The following EPS8 variants were observed in gnomAD, a reference collection of about 807,000 sequenced individuals.
EPS8 encodes the protein EGFR pathway substrate 8, signaling adaptor.
In EPS8, 42 loss-of-function variants were observed where a neutral mutation model predicts 103.8. The observed-to-expected ratio is 0.40, with a 90% CI of 0.32 to 0.52. The LOEUF (loss-of-function observed/expected upper bound fraction) is 0.52, where lower values mean the gene tolerates loss of function less well. Among genes scored for constraint, EPS8 ranks in the 20% least tolerant of loss-of-function variants. The probability of loss-of-function intolerance (pLI) is 0.40; values close to 1 mark genes in which losing one functional copy is unlikely to be tolerated. For missense variants in EPS8, 969 were observed against 1,005.1 expected (o/e 0.96, Z 0.49); for synonymous variants, 344 against 344.6 (o/e 1.00, Z 0.02).
chr12:15,722,702 G>C (rs1436978208), intron 1 of EPS8, among the ~76,000 whole-genome samples: 1 of 152,198 alleles, frequency 6.6e-6, no homozygotes, highest in Admixed American at 6.5e-5. Context: ...CAGATTCAGT[G>C]TCTGGTGAGG....
intron 1 of EPS8, among the ~76,000 whole-genome samples, chr12:15,783,889 C>T (rs117642380): frequency 0.039 from 5,992 of 152,006 alleles, 171 homozygotes; most frequent in Middle Eastern, 0.075. Flanking sequence ...ATTTTCAATT[C>T]TAAGCAATTT....
chr12:15,743,052 A>G (rs2136008771), intron 1 of EPS8, among the ~76,000 whole-genome samples: 1 of 152,374 alleles, frequency 6.6e-6, no homozygotes, highest in East Asian at 1.9e-4. Flanking sequence ...CTGATAAGCA[A>G]CTTCAGCGAA....
At chr12:15,681,336 T>C in intron 2 of EPS8, 34 bp from the exon 3 acceptor site, 10 of 924,000 alleles carry the variant, frequency 1.1e-5, no homozygotes, top group Non-Finnish European at 1.5e-5. Flanking sequence ...ATAATAATAA[T>C]ATAAAAAGGT....
At position 15,767,944 on chromosome 12, in the gene EPS8, A is replaced by T. The variant is rs1262108486; in HGVS notation, c.-22+21217T>A. Among the ~76,000 whole-genome samples, 1 of 152,246 alleles carries T rather than the reference A, an allele frequency of 6.6e-6. No individual in the cohort carries two copies. Among genetic ancestry groups the T allele is most frequent in the Admixed American group, 6.5e-5 (1 of 15,286 alleles). ...AAAGTTTTCCATTCAATTTAGAATA[A>T]TGTAAAGAAATGTTAAGTATTACCT... is the stretch of plus-strand genomic sequence containing the variant. On this transcript the variant is annotated intron_variant, in intron 1 of 20. Transcript: ENST00000281172. This position sits in a 1 kb window ranked among gnomAD's most constrained non-coding sequence, Gnocchi z 5.5.
At chr12:15,703,769 T>C (rs1437805100) in intron 1 of EPS8, among the ~76,000 whole-genome samples, 1 of 150,758 alleles carries the variant, frequency 6.6e-6, no homozygotes, top group Non-Finnish European at 1.5e-5. Context: ...GGAAGCAAAG[T>C]TGATTATTTG....
chr12:15,730,624 G>A (rs1282220251), intron 1 of EPS8, among the ~76,000 whole-genome samples: 9 of 152,086 alleles, frequency 5.9e-5, no homozygotes, highest in Non-Finnish European at 1.0e-4. Context: ...TTGAGGGCAG[G>A]GGCCTTCTCT....
intron 15 of EPS8, among the ~76,000 whole-genome samples, chr12:15,642,828 T>C (rs868243251): frequency 1.3e-5 from 2 of 152,202 alleles, no homozygotes; most frequent in Middle Eastern, 3.2e-3. Context: ...GTAGACATAA[T>C]GTATCCTGTC....
Position 15,734,883 on chromosome 12 carries a change from G to A in EPS8, c.-21-51911C>T, listed in dbSNP as rs1449658978. On this transcript the variant is annotated intron_variant, in intron 1 of 20. Coordinates refer to ENST00000281172, the MANE Select transcript of EPS8 (RefSeq NM_004447.6). The surrounding 1 kb of genome is among the most constrained non-coding windows in gnomAD (Gnocchi z 4.1). Reference sequence around the variant, plus strand: ...CTCAATTGATTCTTATAATATGTAAGCTGGAAGGTAAGCAGGGCCAACTGC... The same window carrying A: ...CTCAATTGATTCTTATAATATGTAAACTGGAAGGTAAGCAGGGCCAACTGC... Among the ~76,000 whole-genome samples, 1 of 152,090 alleles carries A rather than the reference G, an allele frequency of 6.6e-6. No individual in the cohort carries two copies. Among genetic ancestry groups the A allele is most frequent in the East Asian group, 1.9e-4 (1 of 5,196 alleles).
chr12:15,642,298 T>C (rs555451524), intron 15 of EPS8, among the ~76,000 whole-genome samples: 2 of 152,250 alleles, frequency 1.3e-5, no homozygotes, highest in African/African-American at 4.8e-5. Flanking sequence ...AATATATAAA[T>C]TTAAAATTTA....
At chr12:15,741,419 A>G (rs1946821309) in intron 1 of EPS8, among the ~76,000 whole-genome samples, 1 of 152,146 alleles carries the variant, frequency 6.6e-6, no homozygotes. Context: ...CAATTCAGGT[A>G]CCAAGCGAAT....
intron 17 of EPS8, among the ~76,000 whole-genome samples, chr12:15,636,270 C>T (rs772985439): frequency 1.3e-5 from 2 of 152,118 alleles, no homozygotes; most frequent in Middle Eastern, 3.2e-3. Context: ...TTTATCAAGA[C>T]ATGTTATCTC....
intron 15 of EPS8, among the ~76,000 whole-genome samples, chr12:15,643,990 A>G (rs1482069740): frequency 6.6e-6 from 1 of 152,224 alleles, no homozygotes; most frequent in Non-Finnish European, 1.5e-5. Context: ...GCAATTTCAC[A>G]GAACAGTGAA....
chr12:15,712,906 GC>G, intron 1 of EPS8: 2 of 985,188 alleles, frequency 2.0e-6, no homozygotes, highest in Non-Finnish European at 1.2e-6. Flanking sequence ...ATATTGAGAG[GC>G]CATTCCACTC....
rs1199812338 is a variant in EPS8 at position 15,651,424 on chromosome 12, C to A, written c.1251-418G>T. ...AACTTTCCCTTCACTCCCCTCCCAT[C>A]ATTATTGAAACCTCCTGGTATTAGA... On this transcript the variant is annotated intron_variant, in intron 13 of 20. Coordinates refer to ENST00000281172, the MANE Select transcript of EPS8 (RefSeq NM_004447.6). Among the ~76,000 whole-genome samples, 3 of 152,194 alleles carry A rather than the reference C, an allele frequency of 2.0e-5. No individual in the cohort carries two copies. In the East Asian group the frequency reaches 5.8e-4, roughly 29 times the overall value.
At chr12:15,626,036 T>C (rs1371595182) in intron 18 of EPS8, among the ~76,000 whole-genome samples, 1 of 152,242 alleles carries the variant, frequency 6.6e-6, no homozygotes, top group African/African-American at 2.4e-5. Flanking sequence ...AGCTTGCTTT[T>C]ATGAACTCTT....
At chr12:15,719,395 G>A (rs746335338) in intron 1 of EPS8, among the ~76,000 whole-genome samples, 3 of 152,070 alleles carry the variant, frequency 2.0e-5, no homozygotes, top group Admixed American at 6.6e-5. Context: ...AGTAAAACCT[G>A]CAATTAAATT....
chr12:15,647,140 G>A lies in EPS8; in HGVS notation c.1555C>T (p.Arg519Cys), dbSNP rs76688635. The change falls in exon 15 of 21, where the codon CGC becomes TGC. Residue 519 changes from arginine (R) to cysteine (C), a missense_variant. Transcript: ENST00000281172. ...AAVAFKPTSN[R>C]HIDRNYEPLK... ...ATTAAATGTTACCTATCTATATGGC[G>A]ATTAGAAGTTGGCTTAAAAGCAACA... The A allele has an allele frequency of 8.2e-3, 13,298 of 1,613,514 alleles. 126 individuals carry two copies. Among genetic ancestry groups the A allele is most frequent in the Middle Eastern group, 0.039 (237 of 6,062 alleles).
Position 15,658,164 on chromosome 12 carries a change from A to G in EPS8, c.1027-11T>C. ...AGACTTCAGTTTGGCCTGCAACATG[A>G]AGAAAACAGAAAACAGATTACTATC... On this transcript the variant is annotated splice_polypyrimidine_tract_variant and intron_variant, in intron 11 of 20. Coordinates refer to ENST00000281172, the MANE Select transcript of EPS8 (RefSeq NM_004447.6). The G allele has an allele frequency of 6.3e-7, 1 of 1,591,634 alleles. No individual in the cohort carries two copies. Among genetic ancestry groups the G allele is most frequent in the Non-Finnish European group, 8.6e-7 (1 of 1,161,054 alleles).
chr12:15,639,047 C>A (rs1243545894), intron 17 of EPS8, among the ~76,000 whole-genome samples: 1 of 152,120 alleles, frequency 6.6e-6, no homozygotes, highest in Non-Finnish European at 1.5e-5. Flanking sequence ...TTCCTAGCAA[C>A]CACACACACA....
Sources: gnomAD v4.1 joint callset for allele counts (sites outside exome capture counted in the v4.1 genomes callset) on GRCh38, gnomAD v4.1.1 for gene constraint, Gnocchi (gnomAD v3.1) non-coding constraint, MANE v1.5 for transcripts, NCBI Gene and HGNC (gene_info 2026-07-23, HGNC 2026-07-21) for gene names.